The following CHD4 variants were observed in gnomAD, a reference collection of about 807,000 sequenced individuals.
CHD4 encodes the protein ATP-dependent chromatin remodeler CHD4.
CHD4 carries 35 observed loss-of-function variants against 235.5 expected under a neutral mutation model. The ratio of observed to expected loss-of-function variants is 0.15; its 90% CI spans 0.11 to 0.20. CHD4 has a LOEUF of 0.20. Among genes scored for constraint, CHD4 ranks in the 10% least tolerant of loss-of-function variants. The pLI is 1.00. For synonymous variants in CHD4, 900 were observed against 850.2 expected (o/e 1.06, Z -1.02); for missense variants, 1,329 against 2,432.3 (o/e 0.55, Z 9.54).
At chr12:6,598,605 T>C (rs929773349) in intron 10 of CHD4, among the ~76,000 whole-genome samples, 180 bp from the exon 11 acceptor site, 1 of 152,134 alleles carries the variant, frequency 6.6e-6, no homozygotes, top group African/African-American at 2.4e-5. Flanking sequence ...GGTCAAGAGA[T>C]CGAGACCATC....
rs778805396 is a variant in CHD4, at chr12:6,583,007, A to G, written c.4147+20T>C. The stretch of plus-strand genomic sequence containing the variant: ...ACAAAGCAACATTTAGAAAAGCAAC[A>G]AAAAAAGCACAGCCCTCACCTTCTG... On this transcript the variant is annotated intron_variant, in intron 27 of 39. Transcript: ENST00000544040. The G allele has an allele frequency of 1.3e-6, 2 of 1,586,528 alleles. No homozygotes were observed. Among genetic ancestry groups the G allele is most frequent in the East Asian group, 2.2e-5 (1 of 44,660 alleles).
Position 6,581,307 on chromosome 12 carries a change from G to A in CHD4, c.4763C>T (p.Pro1588Leu). Reference sequence around the variant, plus strand: ...ATCTCTTACCTCAATGGCAGTCTCAGGGGCTGTAGATTTAACCTCCTTTTC... The same window carrying A: ...ATCTCTTACCTCAATGGCAGTCTCAAGGGCTGTAGATTTAACCTCCTTTTC... ...EGEKEVKSTA[P>L]ETAIECTQAP... is the part of the protein sequence containing the mutation. The change falls in exon 32 of 40, where the codon CCT becomes CTT. Residue 1588 changes from proline (P) to leucine (L), a missense_variant. Coordinates refer to ENST00000544040, the MANE Select transcript of CHD4 (RefSeq NM_001273.5). The A allele has an allele frequency of 6.2e-7, 1 of 1,614,172 alleles. No homozygotes were observed. The highest frequency in any genetic ancestry group is 8.5e-7 in the Non-Finnish European group (1 of 1,180,030).
At chr12:6,601,823 G>A (rs1264946078) in intron 4 of CHD4, 57 bp from the exon 5 acceptor site, 4 of 1,570,256 alleles carry the variant, frequency 2.5e-6, no homozygotes, top group African/African-American at 2.7e-5. Flanking sequence ...CACTTGCTAA[G>A]CAAATTTGTG....
rs774036270 is a variant in CHD4 at position 6,600,551 on chromosome 12, G to T, written c.1046C>A (p.Thr349Asn). Reference protein sequence around the residue: ...SSRSRKKLRTTKKKKKGEEEV... With the variant: ...SSRSRKKLRTNKKKKKGEEEV... The stretch of plus-strand genomic sequence containing the variant: ...AAACACACCTTTCTTTTTCTTTTTA[G>T]TGGTTCGGAGTTTCTTGCGGCTGCG... Residue 349 changes from threonine to asparagine, a missense_variant, in exon 8 of 40, where the codon ACT becomes AAT. Physicochemically the swap from Thr to Asn is moderately conservative, Grantham distance 65. Transcript: ENST00000544040. 5 of 1,606,358 alleles carry T rather than the reference G, an allele frequency of 3.1e-6. No individual in the cohort carries two copies. The African/African-American group carries it at 5.5e-5, about 18-fold the overall frequency.
intron 33 of CHD4, 40 bp from the exon 34 acceptor site, chr12:6,578,957 G>A (rs1948121799): frequency 6.4e-7 from 1 of 1,562,830 alleles, no homozygotes; most frequent in Admixed American, 1.7e-5. Context: ...CCTAAAGGAA[G>A]AACATTCTCC....
intron 25 of CHD4, 158 bp from the exon 26 acceptor site, chr12:6,583,536 T>C (rs1948229807): frequency 6.4e-6 from 4 of 627,706 alleles, no homozygotes; most frequent in African/African-American, 1.8e-5. Context: ...AGAAATTTGA[T>C]TGAGAGTACA....
Position 6,591,448 on chromosome 12 carries a change from C to T in CHD4, c.3340+18G>A, listed in dbSNP as rs1948399036. On this transcript the variant is annotated intron_variant, in intron 22 of 39. Transcript: ENST00000544040. ...GCAAATGAGGATTCCTGAAACTAAACAACTCCTTCTCTCTCACCATTGAAG... is the reference window on the plus strand; with the variant it reads ...GCAAATGAGGATTCCTGAAACTAAATAACTCCTTCTCTCTCACCATTGAAG... 6.3e-7 allele frequency: 1 copy of T among 1,597,180 alleles called. No homozygotes were observed. Among genetic ancestry groups the T allele is most frequent in the East Asian group, 2.2e-5 (1 of 44,832 alleles).
At chr12:6,584,413 T>C (rs1948246213) in intron 25 of CHD4, 1 of 152,170 alleles carries the variant, frequency 6.6e-6, no homozygotes, top group South Asian at 2.1e-4. Flanking sequence ...TATATATATT[T>C]TTTTGAGAGA....
intron 25 of CHD4, 111 bp downstream of exon 25, chr12:6,587,273 C>T: frequency 1.9e-6 from 2 of 1,033,868 alleles, no homozygotes; most frequent in Non-Finnish European, 2.9e-6. Flanking sequence ...AATTCATCAA[C>T]ATAAGAATTT....
chr12:6,576,049 CT>C lies in CHD4; in HGVS notation c.5361+1735del, dbSNP rs35630388. Among the ~76,000 whole-genome samples the C allele has an allele frequency of 1.0e-2, 1,446 of 145,308 alleles. 13 individuals are homozygous for C. Among genetic ancestry groups the C allele is most frequent in the African/African-American group, 0.025 (981 of 40,000 alleles). ...CCCTACTCCAATTCCCTCTCGAGAA[CT>C]TTTTTTTTTTTTTAAGACAGGGTCT... On this transcript the variant is annotated intron_variant, in intron 37 of 39. Coordinates refer to ENST00000544040, the MANE Select transcript of CHD4 (RefSeq NM_001273.5).
At position 6,581,638 on chromosome 12, in the gene CHD4, G is replaced by C. The variant is rs773553565; in HGVS notation, c.4681+11C>G. 4.3e-6 allele frequency: 7 copies of C among 1,613,876 alleles called. No individual in the cohort carries two copies. In the African/African-American group the frequency reaches 9.3e-5, roughly 22 times the overall value. ...GAGAGGGACAGAAAATGATAGGACA[G>C]GCAGACTTACCAGCAGGTGGGACAG... On this transcript the variant is annotated intron_variant, in intron 31 of 39. Transcript: ENST00000544040.
intron 12 of CHD4, among the ~76,000 whole-genome samples, chr12:6,597,000 C>T (rs560246063): frequency 3.8e-4 from 55 of 143,220 alleles, no homozygotes; most frequent in African/African-American, 1.3e-3. Context: ...CCGAGTGCGG[C>T]GGCTCACGCC....
chr12:6,593,118 G>A lies in CHD4; in HGVS notation c.2625C>T (p.Ala875=). 1 of 1,614,078 alleles carries A rather than the reference G, an allele frequency of 6.2e-7. No individual in the cohort carries two copies. The highest frequency in any genetic ancestry group is 8.5e-7 in the Non-Finnish European group (1 of 1,180,026). Residue 875 remains alanine, a synonymous_variant, in exon 17 of 40, where the codon GCC becomes GCT. Coordinates refer to ENST00000544040, the MANE Select transcript of CHD4 (RefSeq NM_001273.5). The surrounding 1 kb of genome is among the most constrained non-coding windows in gnomAD (Gnocchi z 4.9). ...TAGACTGATTGTTCTTCAGCCGATG[G>A]GCTTCATCCACGATGAGGCAGGCCC... The part of the protein sequence containing the change: ...IDWACLIVDE[A]HRLKNNQSKF...
chr12:6,588,623 C>A (rs898994792), intron 22 of CHD4, among the ~76,000 whole-genome samples: 11 of 151,860 alleles, frequency 7.2e-5, no homozygotes, highest in African/African-American at 2.7e-4. Context: ...ACTAAAAATA[C>A]AAAAATTAGC....
At chr12:6,582,431 C>A (rs1565605658) in intron 29 of CHD4, 150 bp from the exon 30 acceptor site, 11 of 1,311,600 alleles carry the variant, frequency 8.4e-6, no homozygotes, top group Admixed American at 2.3e-5. Flanking sequence ...GATCTCTAGA[C>A]CCCACAAGAA....
At chr12:6,571,140 G>T in intron 38 of CHD4, 108 bp from the exon 39 acceptor site, 1 of 1,312,940 alleles carries the variant, frequency 7.6e-7, no homozygotes, top group Non-Finnish European at 1.1e-6. Flanking sequence ...TAACTGTGAT[G>T]TATTGTCTTC....
intron 15 of CHD4, among the ~76,000 whole-genome samples, 154 bp downstream of exon 15, chr12:6,594,305 T>C (rs1462278526): frequency 6.6e-6 from 1 of 152,234 alleles, no homozygotes; most frequent in Non-Finnish European, 1.5e-5. Context: ...TACTATCTAC[T>C]AAACACATGT....
In CHD4 at chr12:6,606,290, C is replaced by A. The variant is rs370679311; in HGVS notation, c.84G>T (p.Leu28=). ...EDMDALLNNS[L]PPPHPENEED... ...AGATGTTACCTGGGTGGGGTGGGGG[C>A]AGGCTGTTGTTCAAAAGTGCATCCA... The change falls in exon 2 of 40, where the codon CTG becomes CTT. Residue 28 remains leucine (L), a synonymous_variant. Coordinates refer to ENST00000544040, the MANE Select transcript of CHD4 (RefSeq NM_001273.5). 10 of 1,584,158 alleles carry A rather than the reference C, an allele frequency of 6.3e-6. No individual in the cohort carries two copies. The African/African-American group carries it at 1.2e-4, about 20-fold the overall frequency.
intron 10 of CHD4, among the ~76,000 whole-genome samples, chr12:6,599,119 G>A (rs1432931689): frequency 6.6e-6 from 1 of 152,156 alleles, no homozygotes; most frequent in Non-Finnish European, 1.5e-5. Context: ...GCAATCTAAA[G>A]CAGTAAGTGG....
Sources: gnomAD v4.1 joint callset for allele counts (sites outside exome capture counted in the v4.1 genomes callset) on GRCh38, gnomAD v4.1.1 for gene constraint, Gnocchi (gnomAD v3.1) non-coding constraint, MANE v1.5 for transcripts, NCBI Gene and HGNC (gene_info 2026-07-23, HGNC 2026-07-21) for gene names.